The following CNTNAP2 variants were observed in gnomAD, a reference collection of about 807,000 sequenced individuals.
CNTNAP2 encodes the protein contactin-associated protein-like 2.
In CNTNAP2, 98 loss-of-function variants were observed where a neutral mutation model predicts 155.2. The observed-to-expected ratio is 0.63, with a 90% CI of 0.54 to 0.75. The LOEUF (loss-of-function observed/expected upper bound fraction) is 0.75, where lower values mean the gene tolerates loss of function less well. Among genes scored for constraint, CNTNAP2 ranks in the 30% least tolerant of loss-of-function variants. CNTNAP2 has a pLI of 0.00. For synonymous variants in CNTNAP2, 651 were observed against 631.2 expected (o/e 1.03, Z -0.47); for missense variants, 1,727 against 1,688.1 (o/e 1.02, Z -0.40).
intron 3 of CNTNAP2, among the ~76,000 whole-genome samples, chr7:146,977,585 GA>G (rs1204654666): frequency 1.3e-5 from 2 of 152,190 alleles, no homozygotes; most frequent in East Asian, 3.9e-4. Flanking sequence ...TAAAATTGTT[GA>G]ACACATAATC....
intron 19 of CNTNAP2, among the ~76,000 whole-genome samples, chr7:148,218,936 CTTT>C (rs746349465): frequency 1.4e-5 from 1 of 73,646 alleles, no homozygotes; most frequent in Non-Finnish European, 2.5e-5. Context: ...TAAGATCACT[CTTT>C]TTTTTTTTTT....
At chr7:146,949,323 G>A (rs946208007) in intron 3 of CNTNAP2, among the ~76,000 whole-genome samples, 5 of 152,288 alleles carry the variant, frequency 3.3e-5, no homozygotes, top group East Asian at 1.9e-4. Context: ...ACCTCAGATC[G>A]CACTCTTCCA....
intron 1 of CNTNAP2, among the ~76,000 whole-genome samples, chr7:146,735,776 G>A (rs769876118): frequency 5.0e-5 from 7 of 139,386 alleles, no homozygotes; most frequent in Non-Finnish European, 8.8e-5. Flanking sequence ...GTAATAGGGA[G>A]AGATTGGTTA....
intron 1 of CNTNAP2, among the ~76,000 whole-genome samples, chr7:146,467,782 T>G (rs1463752238): frequency 6.6e-6 from 1 of 152,154 alleles, no homozygotes; most frequent in Non-Finnish European, 1.5e-5. Context: ...ATAACTATAT[T>G]TACATATGCT....
intron 8 of CNTNAP2, among the ~76,000 whole-genome samples, chr7:147,274,872 GTT>G (rs540591809): frequency 1.3e-5 from 2 of 151,902 alleles, no homozygotes; most frequent in Non-Finnish European, 2.9e-5. Context: ...TATGAGTCCA[GTT>G]TTTTTAGGCA....
chr7:146,932,195 A>G (rs1796776282), intron 3 of CNTNAP2, among the ~76,000 whole-genome samples: 1 of 152,222 alleles, frequency 6.6e-6, no homozygotes, highest in South Asian at 2.1e-4. Flanking sequence ...TCAAAAAAAT[A>G]TTGGCAAACT....
intron 1 of CNTNAP2, among the ~76,000 whole-genome samples, chr7:146,720,964 A>AGTATATATATAGACTATATATACT (rs1320436135): frequency 9.1e-6 from 1 of 110,156 alleles, no homozygotes; most frequent in Non-Finnish European, 1.7e-5. Context: ...ATATATATAC[A>AGTATATATATAGACTATATATACT]GTATATATAT....
intron 8 of CNTNAP2, among the ~76,000 whole-genome samples, chr7:147,172,740 T>A (rs1802258412): frequency 6.6e-6 from 1 of 152,130 alleles, no homozygotes; most frequent in South Asian, 2.1e-4. Flanking sequence ...GGAGCTAAAC[T>A]CAAGGATCTA....
intron 5 of CNTNAP2, among the ~76,000 whole-genome samples, chr7:147,114,381 C>T (rs767092814): frequency 2.6e-5 from 4 of 152,062 alleles, no homozygotes; most frequent in South Asian, 4.2e-4. Context: ...TTTTCTGCCT[C>T]GATGATCTGT....
chr7:146,599,829 G>C (rs1410724901), intron 1 of CNTNAP2, among the ~76,000 whole-genome samples: 1 of 104,448 alleles, frequency 9.6e-6, no homozygotes, highest in African/African-American at 4.7e-5. Flanking sequence ...ACAATGCCTA[G>C]AATATAAGAC....
rs543634262 is a variant in CNTNAP2 at position 146,882,510 on chromosome 7, C to G, written c.402+42606C>G. On this transcript the variant is annotated intron_variant, in intron 3 of 23. Coordinates refer to ENST00000361727, the MANE Select transcript of CNTNAP2 (RefSeq NM_014141.6). ...GATGGTTTTATAAAGGCCTTTCCCC[C>G]CTCTTCACCCTGCATTTCTCTCTCC... 1.7e-4 allele frequency among the ~76,000 whole-genome samples: 26 copies of G among 151,996 alleles called. No individual in the cohort carries two copies. The East Asian group carries it at 1.7e-3, about 10-fold the overall frequency.
intron 1 of CNTNAP2, among the ~76,000 whole-genome samples, chr7:146,215,430 G>T (rs1187986412): frequency 6.6e-6 from 1 of 151,948 alleles, no homozygotes; most frequent in East Asian, 1.9e-4. Flanking sequence ...CCTTATCAGG[G>T]TTAGCTCAAG....
At chr7:147,943,766 CAAAAAAAAAAAAAAAA>C (rs144842680) in intron 14 of CNTNAP2, among the ~76,000 whole-genome samples, 19 of 40,168 alleles carry the variant, frequency 4.7e-4, no homozygotes, top group South Asian at 1.4e-3. Flanking sequence ...GACCCCGTCT[CAAAAAAAAAAAAAAAA>C]AAAAAAAAAA....
intron 20 of CNTNAP2, among the ~76,000 whole-genome samples, chr7:148,235,415 A>C (rs1419537315): frequency 6.6e-6 from 1 of 152,170 alleles, no homozygotes; most frequent in African/African-American, 2.4e-5. Context: ...ACCCAATAAA[A>C]GTCTGTCTTA....
At chr7:147,646,377 A>G (rs1300918183) in intron 13 of CNTNAP2, among the ~76,000 whole-genome samples, 2 of 152,206 alleles carry the variant, frequency 1.3e-5, no homozygotes, top group East Asian at 3.8e-4. Context: ...GTGATGGCTG[A>G]TGGCATAGTG....
chr7:148,373,505 G>T lies in CNTNAP2; in HGVS notation c.3476-10144G>T, dbSNP rs868195327. Among the ~76,000 whole-genome samples, 9 of 152,164 alleles carry T rather than the reference G, an allele frequency of 5.9e-5. 1 individual carries two copies. Among genetic ancestry groups the T allele is most frequent in the Middle Eastern group, 6.8e-3 (2 of 294 alleles). On this transcript the variant is annotated intron_variant, in intron 21 of 23. Transcript: ENST00000361727. Reference sequence around the variant, plus strand: ...GTATACTCTAAAATAATGATAAAAAGCACATTATGATAAATGCCAGGCAAT... The same window carrying T: ...GTATACTCTAAAATAATGATAAAAATCACATTATGATAAATGCCAGGCAAT...
intron 8 of CNTNAP2, among the ~76,000 whole-genome samples, chr7:147,178,959 G>T (rs1335450048): frequency 6.6e-6 from 1 of 152,094 alleles, no homozygotes; most frequent in Admixed American, 6.6e-5. Context: ...TAAAGCAGGG[G>T]TCTTTCATTT....
chr7:146,346,914 TG>T (rs1794826937), intron 1 of CNTNAP2, among the ~76,000 whole-genome samples: 1 of 152,024 alleles, frequency 6.6e-6, no homozygotes, highest in Admixed American at 6.5e-5. Flanking sequence ...AAGGTTTTTT[TG>T]TTTGATTGTT....
chr7:146,170,855 G>C (rs1181891610), intron 1 of CNTNAP2, among the ~76,000 whole-genome samples: 1 of 151,968 alleles, frequency 6.6e-6, no homozygotes, highest in African/African-American at 2.4e-5. Flanking sequence ...GTGAAACCCT[G>C]TTTCTACTAA....
Sources: gnomAD v4.1 joint callset for allele counts (sites outside exome capture counted in the v4.1 genomes callset) on GRCh38, gnomAD v4.1.1 for gene constraint, MANE v1.5 for transcripts, NCBI Gene and HGNC (gene_info 2026-07-23, HGNC 2026-07-21) for gene names.